Variants in TMTC1 observed in about 807,000 individuals in gnomAD.
TMTC1 encodes transmembrane O-mannosyltransferase targeting cadherins 1.
TMTC1 carries 73 observed loss-of-function variants against 104.8 expected under a neutral mutation model. The ratio of observed to expected loss-of-function variants is 0.70; its 90% CI spans 0.58 to 0.85. TMTC1 has a LOEUF of 0.85. Among genes scored for constraint, TMTC1 ranks in the 40% least tolerant of loss-of-function variants. TMTC1 has a pLI of 0.00. For missense variants in TMTC1, 1,035 were observed against 1,096.1 expected (o/e 0.94, Z 0.79); for synonymous variants, 434 against 428.7 (o/e 1.01, Z -0.15).
In TMTC1 at chr12:29,655,728, G is replaced by A. The variant is rs368425315; in HGVS notation, c.939-22392C>T. Among the ~76,000 whole-genome samples the A allele has an allele frequency of 8.7e-4, 133 of 152,252 alleles. 1 individual carries two copies. Among genetic ancestry groups the A allele is most frequent in the African/African-American group, 2.8e-3 (118 of 41,558 alleles). On this transcript the variant is annotated intron_variant, in intron 5 of 17. Coordinates refer to ENST00000539277, the MANE Select transcript of TMTC1 (RefSeq NM_001193451.2). ...AGTTAAACACACAGAAATAGATAAT[G>A]TAAACGAGTGAATCTCACAAGTCAA...
At chr12:29,515,719 C>T (rs1426419625) in intron 15 of TMTC1, among the ~76,000 whole-genome samples, 1 of 147,550 alleles carries the variant, frequency 6.8e-6, no homozygotes. Context: ...ATCTCCTTCT[C>T]TATGGGTTAG....
rs139311280 is a variant in TMTC1, at chr12:29,685,105, C to T, written c.939-51769G>A. On this transcript the variant is annotated intron_variant, in intron 5 of 17. Transcript: ENST00000539277. ...ATTTTTACAGCTAAATCGCATTTAC[C>T]GACATTGTAAATGATTTATTTCAAC... is the stretch of plus-strand genomic sequence containing the variant. Among the ~76,000 whole-genome samples, 34 of 151,848 alleles carry T rather than the reference C, an allele frequency of 2.2e-4. 2 individuals are homozygous for T. The highest frequency in any genetic ancestry group is 4.3e-4 in the African/African-American group (18 of 41,424).
intron 1 of TMTC1, among the ~76,000 whole-genome samples, chr12:29,780,040 T>G (rs905427264): frequency 1.3e-5 from 2 of 152,156 alleles, no homozygotes; most frequent in Non-Finnish European, 2.9e-5. Context: ...GCACAGAAAC[T>G]GGATTACTCA....
At chr12:29,688,291 A>G (rs10843488) in intron 5 of TMTC1, among the ~76,000 whole-genome samples, 21,040 of 152,184 alleles carry the variant, frequency 0.14, 1,736 homozygotes, top group East Asian at 0.34. Context: ...AAAAAACTAC[A>G]GAATGATTTA....
At chr12:29,567,898 T>C (rs1031915386) in intron 9 of TMTC1, among the ~76,000 whole-genome samples, 4 of 152,252 alleles carry the variant, frequency 2.6e-5, no homozygotes, top group African/African-American at 7.2e-5. Flanking sequence ...GTCTTACTGA[T>C]ATATTCAAGA....
chr12:29,504,316 A>G lies in TMTC1; in HGVS notation c.*2530T>C, dbSNP rs1364227565. On this transcript the variant is annotated 3_prime_UTR_variant, in exon 18 of 18. Coordinates refer to ENST00000539277, the MANE Select transcript of TMTC1 (RefSeq NM_001193451.2). The stretch of plus-strand genomic sequence containing the variant: ...GCACTCCATTTTTATTATAAAGGTA[A>G]GTTCCATGTATTATTTCATGTTACA... The G allele has an allele frequency of 6.6e-6, 1 of 151,566 alleles. No individual in the cohort carries two copies. Among genetic ancestry groups the G allele is most frequent in the East Asian group, 1.9e-4 (1 of 5,174 alleles). The allele number at this position is 151,566 out of a possible 1,614,324, so 9.4% of individuals were successfully genotyped here. A position where few individuals can be genotyped will look rare whatever the true frequency, so the allele number is the denominator to read the frequency against.
At chr12:29,548,145 G>A (rs1944990669) in intron 10 of TMTC1, among the ~76,000 whole-genome samples, 1 of 152,200 alleles carries the variant, frequency 6.6e-6, no homozygotes, top group Non-Finnish European at 1.5e-5. Context: ...TGCTGAAGTT[G>A]TGGACTGGAG....
chr12:29,588,487 T>TC (rs1157256522), intron 7 of TMTC1, among the ~76,000 whole-genome samples: 1 of 152,220 alleles, frequency 6.6e-6, no homozygotes, highest in Non-Finnish European at 1.5e-5. Context: ...TATGAAGCCC[T>TC]CTGGGCTCCG....
chr12:29,675,834 T>C (rs10771568), intron 5 of TMTC1, among the ~76,000 whole-genome samples: 39,623 of 151,958 alleles, frequency 0.26, 5,714 homozygotes, highest in African/African-American at 0.36. Flanking sequence ...AATAGCATTG[T>C]TCCATGAAAG....
In TMTC1 at chr12:29,692,377, C is replaced by T. The variant is rs542645620; in HGVS notation, c.939-59041G>A. 3.0e-4 allele frequency among the ~76,000 whole-genome samples: 42 copies of T among 142,174 alleles called. 7 individuals carry two copies. Among genetic ancestry groups the T allele is most frequent in the Non-Finnish European group, 4.8e-4 (32 of 66,140 alleles). 93.3% of individuals were successfully genotyped at this position (142,174 alleles called of 152,430 possible). On this transcript the variant is annotated intron_variant, in intron 5 of 17. Transcript: ENST00000539277. ...TACACAATTGTGCTCTGAGGGCCAACGAAATGAATTAAGTTCACCTGAAAG... is the reference window on the plus strand; with the variant it reads ...TACACAATTGTGCTCTGAGGGCCAATGAAATGAATTAAGTTCACCTGAAAG...
intron 5 of TMTC1, among the ~76,000 whole-genome samples, chr12:29,683,859 T>C (rs76211457): frequency 3.9e-5 from 6 of 152,056 alleles, no homozygotes; most frequent in Non-Finnish European, 2.9e-5. Context: ...TTTTTTTTTT[T>C]TGAGACAGGT....
At chr12:29,657,778 A>C (rs1165976943) in intron 5 of TMTC1, among the ~76,000 whole-genome samples, 2 of 152,228 alleles carry the variant, frequency 1.3e-5, no homozygotes, top group African/African-American at 4.8e-5. Context: ...GAAGTTAATT[A>C]ATGATATAAA....
intron 16 of TMTC1, 116 bp from the exon 17 acceptor site, chr12:29,512,236 C>T (rs917344912): frequency 1.4e-4 from 100 of 729,052 alleles, no homozygotes; most frequent in Non-Finnish European, 2.2e-4. Flanking sequence ...AAACCAGCCG[C>T]TACTAGTTCA....
At chr12:29,674,860 A>G (rs764047552) in intron 5 of TMTC1, among the ~76,000 whole-genome samples, 1 of 152,172 alleles carries the variant, frequency 6.6e-6, no homozygotes, top group Non-Finnish European at 1.5e-5. Flanking sequence ...AAGATCCCCA[A>G]TGGGCCAGCA....
At position 29,733,896 on chromosome 12, in the gene TMTC1, C is replaced by T. The variant is rs993634931; in HGVS notation, c.938+17770G>A. 6.6e-5 allele frequency among the ~76,000 whole-genome samples: 10 copies of T among 152,314 alleles called. No individual in the cohort carries two copies. In the South Asian group the frequency reaches 2.1e-3, roughly 32 times the overall value. On this transcript the variant is annotated intron_variant, in intron 5 of 17. Transcript: ENST00000539277. ...TAAGCTTCCCATGTCTTTGCTTTGA[C>T]AATGCAAGGCCATTATTTTTTCATT...
At chr12:29,587,184 AT>A (rs1946160685) in intron 7 of TMTC1, among the ~76,000 whole-genome samples, 1 of 152,096 alleles carries the variant, frequency 6.6e-6, no homozygotes, top group African/African-American at 2.4e-5. Flanking sequence ...GTGTCGAGGA[AT>A]TTATCCATTT....
rs71444341 is a variant in TMTC1 at position 29,745,618 on chromosome 12, C to CAAAAAAAA, written c.938+6040_938+6047dup. 3.1e-3 allele frequency among the ~76,000 whole-genome samples: 262 copies of CAAAAAAAA among 83,976 alleles called. 7 individuals are homozygous for CAAAAAAAA. Among genetic ancestry groups the CAAAAAAAA allele is most frequent in the Middle Eastern group, 8.3e-3 (1 of 120 alleles). 55.1% of individuals were successfully genotyped at this position (83,976 alleles called of 152,430 possible). A position where few individuals can be genotyped will look rare whatever the true frequency, so the allele number is the denominator to read the frequency against. ...CCTGAGCAACAGAGCGAGACTCAAT[C>CAAAAAAAA]AAAAAAAAAAAAAAAAAAAAAGAAA... On this transcript the variant is annotated intron_variant, in intron 5 of 17. Transcript: ENST00000539277.
chr12:29,502,592 G>C lies in TMTC1; in HGVS notation c.*4254C>G, dbSNP rs1478248233. 6.6e-6 allele frequency: 1 copy of C among 152,154 alleles called. No homozygotes were observed. Among genetic ancestry groups the C allele is most frequent in the Admixed American group, 6.5e-5 (1 of 15,272 alleles). The allele number at this position is 152,154 out of a possible 1,614,324, so 9.4% of individuals were successfully genotyped here. A position where few individuals can be genotyped will look rare whatever the true frequency, so the allele number is the denominator to read the frequency against. On this transcript the variant is annotated 3_prime_UTR_variant, in exon 18 of 18. Coordinates refer to ENST00000539277, the MANE Select transcript of TMTC1 (RefSeq NM_001193451.2). ...CCAAATTGCAGTCCAATTGCCACAAGTGCAAAACCACCCCACATAACCACC... is the reference window on the plus strand; with the variant it reads ...CCAAATTGCAGTCCAATTGCCACAACTGCAAAACCACCCCACATAACCACC...
At chr12:29,573,329 G>C (rs775518268) in intron 8 of TMTC1, among the ~76,000 whole-genome samples, 1 of 152,140 alleles carries the variant, frequency 6.6e-6, no homozygotes, top group African/African-American at 2.4e-5. Flanking sequence ...CATTAAAAAG[G>C]ATCAATTCCA....
Sources: allele counts gnomAD v4.1 joint callset (sites outside exome capture counted in the v4.1 genomes callset), GRCh38; gene constraint gnomAD v4.1.1; transcripts MANE v1.5; gene names NCBI Gene and HGNC (gene_info 2026-07-23, HGNC 2026-07-21).